The following MBTPS1 variants were observed in gnomAD, a reference collection of about 807,000 sequenced individuals.
MBTPS1 encodes membrane bound transcription factor peptidase, site 1.
A neutral mutation model predicts 127.8 loss-of-function variants in MBTPS1; 94 were observed. The observed-to-expected ratio is 0.74, with a 90% CI of 0.62 to 0.87. The LOEUF is 0.87. Among genes scored for constraint, MBTPS1 ranks in the 40% least tolerant of loss-of-function variants. MBTPS1 has a pLI of 0.00. For synonymous variants in MBTPS1, 632 were observed against 509.4 expected (o/e 1.24, Z -3.24); for missense variants, 1,636 against 1,353.2 (o/e 1.21, Z -3.28).
intron 8 of MBTPS1, among the ~76,000 whole-genome samples, chr16:84,089,061 A>C (rs1597335033): frequency 6.6e-6 from 1 of 152,252 alleles, no homozygotes; most frequent in Non-Finnish European, 1.5e-5. Flanking sequence ...GCGTGTGACA[A>C]AACAGTCCGA....
Position 84,095,798 on chromosome 16 carries a change from G to A in MBTPS1, c.429C>T (p.Pro143=). ...FRSLKYAESD[P]TVPCNETRWS... is the part of the protein sequence containing the mutation. ...ACCGGGTTTCATTGCAGGGTACTGTGGGGTCAGCTACAGGCAAGGGAGAGA... is the reference window on the plus strand; with the variant it reads ...ACCGGGTTTCATTGCAGGGTACTGTAGGGTCAGCTACAGGCAAGGGAGAGA... The change falls in exon 4 of 23, where the codon CCC becomes CCT. Residue 143 remains proline (P), a synonymous_variant. Transcript: ENST00000343411. 1.2e-6 allele frequency: 2 copies of A among 1,613,460 alleles called. No homozygotes were observed. The highest frequency in any genetic ancestry group is 1.7e-6 in the Non-Finnish European group (2 of 1,179,794).
chr16:84,103,789 C>G (rs2086288796), intron 1 of MBTPS1, among the ~76,000 whole-genome samples: 2 of 152,154 alleles, frequency 1.3e-5, no homozygotes, highest in South Asian at 4.1e-4. Flanking sequence ...CACTGCTGTA[C>G]TAACAACTGA....
chr16:84,094,604 A>G (rs2086154089), intron 4 of MBTPS1, among the ~76,000 whole-genome samples: 1 of 152,232 alleles, frequency 6.6e-6, no homozygotes, highest in Admixed American at 6.5e-5. Context: ...CTGTGTACAT[A>G]TCAATACTAT....
intron 2 of MBTPS1, among the ~76,000 whole-genome samples, chr16:84,101,192 C>G (rs944738165): frequency 2.0e-5 from 3 of 151,788 alleles, no homozygotes; most frequent in African/African-American, 4.8e-5. Flanking sequence ...CCCAGCTGCT[C>G]AGGAGGCTGA....
chr16:84,112,679 A>AAC (rs1287368978), intron 1 of MBTPS1, among the ~76,000 whole-genome samples: 1 of 149,738 alleles, frequency 6.7e-6, no homozygotes, highest in African/African-American at 2.5e-5. Context: ...ACAAAAAAAA[A>AAC]CAAAAAAAGA....
intron 18 of MBTPS1, 84 bp downstream of exon 18, chr16:84,065,602 GAGAC>G (rs2085669671): frequency 3.5e-6 from 3 of 864,004 alleles, no homozygotes; most frequent in East Asian, 2.4e-5. Context: ...TATTAAAAAA[GAGAC>G]AGAGATGAGA....
Position 84,099,138 on chromosome 16 carries a change from C to T in MBTPS1, c.336G>A (p.Ala112=), listed in dbSNP as rs776390232. ...EVIQIKEKQK[A]GLLTLEDHPN... ...GATGATCTTCAAGTGTTAGCAGCCCCGCTTTCTGTTTTTCTTTTATCTGAA... is the reference window on the plus strand; with the variant it reads ...GATGATCTTCAAGTGTTAGCAGCCCTGCTTTCTGTTTTTCTTTTATCTGAA... Residue 112 remains alanine (A), a synonymous_variant, in exon 3 of 23, where the codon GCG becomes GCA. Transcript: ENST00000343411. 1.7e-5 allele frequency: 28 copies of T among 1,613,992 alleles called. No individual in the cohort carries two copies. Among genetic ancestry groups the T allele is most frequent in the South Asian group, 8.8e-5 (8 of 91,082 alleles).
intron 10 of MBTPS1, among the ~76,000 whole-genome samples, chr16:84,082,900 C>T (rs1170158148): frequency 6.6e-6 from 1 of 152,200 alleles, no homozygotes; most frequent in Non-Finnish European, 1.5e-5. Flanking sequence ...TCGGGAGGCC[C>T]GCCACTGCTG....
chr16:84,096,617 G>A (rs181478620), intron 3 of MBTPS1, among the ~76,000 whole-genome samples: 7 of 152,314 alleles, frequency 4.6e-5, no homozygotes, highest in African/African-American at 7.2e-5. Context: ...GAGAAAATCT[G>A]TAATACCAAT....
At chr16:84,102,869 G>T (rs2086276301) in intron 1 of MBTPS1, among the ~76,000 whole-genome samples, 1 of 152,102 alleles carries the variant, frequency 6.6e-6, no homozygotes, top group Non-Finnish European at 1.5e-5. Flanking sequence ...GCATAAAAGG[G>T]TTTACTGTCC....
In MBTPS1 at chr16:84,054,542, G is replaced by C. The variant is rs955009181; in HGVS notation, c.3066C>G (p.Asn1022Lys). The C allele has an allele frequency of 1.2e-6, 2 of 1,614,036 alleles. No individual in the cohort carries two copies. The highest frequency in any genetic ancestry group is 1.7e-6 in the Non-Finnish European group (2 of 1,179,962). The change falls in exon 23 of 23, where the codon AAC (asparagine) becomes AAG (lysine). Residue 1022 changes from asparagine to lysine, a missense_variant. Transcript: ENST00000343411. Reference sequence around the variant, plus strand: ...TCCGCTTCGGCCTGCTCTTGGCCTTGTTGATTTGTACCACAAAGAAGGCCA... The same window carrying C: ...TCCGCTTCGGCCTGCTCTTGGCCTTCTTGATTTGTACCACAAAGAAGGCCA... ...VVLAFFVVQI[N>K]KAKSRPKRRK...
Position 84,093,964 on chromosome 16 carries a change from G to A in MBTPS1, c.626-143C>T, listed in dbSNP as rs553596662. The A allele has an allele frequency of 1.0e-3, 667 of 658,726 alleles. 5 individuals are homozygous for A. The highest frequency in any genetic ancestry group is 8.1e-3 in the South Asian group (454 of 55,844). 40.8% of individuals were successfully genotyped at this position (658,726 alleles called of 1,614,324 possible). ...AAGCTGCTCAGAGCAAATAAGTTAGGTCAGCTGCTCCCAGGGTCAGCTGGC... is the reference window on the plus strand; with the variant it reads ...AAGCTGCTCAGAGCAAATAAGTTAGATCAGCTGCTCCCAGGGTCAGCTGGC... On this transcript the variant is annotated intron_variant, in intron 4 of 22. Coordinates refer to ENST00000343411, the MANE Select transcript of MBTPS1 (RefSeq NM_003791.4).
At chr16:84,056,686 A>G (rs2085526966) in intron 21 of MBTPS1, 1 of 152,556 alleles carries the variant, frequency 6.6e-6, no homozygotes, top group African/African-American at 2.4e-5. Context: ...AGTGGGAGAG[A>G]GTCTGAGCAG....
chr16:84,097,837 C>T (rs957263136), intron 3 of MBTPS1, among the ~76,000 whole-genome samples: 17 of 143,134 alleles, frequency 1.2e-4, no homozygotes, highest in African/African-American at 2.8e-4. Context: ...AACTTCTCTT[C>T]GTGTGTGTGT....
chr16:84,111,582 T>C (rs1304866047), intron 1 of MBTPS1, among the ~76,000 whole-genome samples: 2 of 150,508 alleles, frequency 1.3e-5, no homozygotes, highest in African/African-American at 4.9e-5. Context: ...GAGGTTGAGA[T>C]AATTTGAGGA....
chr16:84,092,261 C>T (rs1441930283), intron 6 of MBTPS1, among the ~76,000 whole-genome samples: 4 of 152,244 alleles, frequency 2.6e-5, no homozygotes, highest in African/African-American at 9.6e-5. Context: ...CCTAAACAGA[C>T]TGAAGGACAA....
At chr16:84,058,738 G>A (rs1015967247) in intron 21 of MBTPS1, among the ~76,000 whole-genome samples, 4 of 152,190 alleles carry the variant, frequency 2.6e-5, no homozygotes, top group Admixed American at 6.5e-5. Flanking sequence ...TGAAGAAGCC[G>A]AGTTAGTGAG....
At chr16:84,062,885 C>T (rs2085634090) in intron 19 of MBTPS1, among the ~76,000 whole-genome samples, 2 of 152,172 alleles carry the variant, frequency 1.3e-5, no homozygotes, top group Admixed American at 1.3e-4. Flanking sequence ...AGCCAAGAGC[C>T]AGCCCTCCAG....
chr16:84,070,737 T>G lies in MBTPS1; in HGVS notation c.1633A>C (p.Ile545Leu). The G allele has an allele frequency of 6.2e-7, 1 of 1,614,016 alleles. No homozygotes were observed. Among genetic ancestry groups the G allele is most frequent in the Non-Finnish European group, 8.5e-7 (1 of 1,179,972 alleles). ...QPYLPQNGDN[I>L]EVAFSYSSVL... ...GAGGAGTAGGAGAAGGCAACTTCAA[T>G]GTTGTCTCCGTTCTGTGGCAAATAG... Residue 545 changes from isoleucine (I) to leucine (L), a missense_variant, in exon 13 of 23, where the codon ATT (isoleucine) becomes CTT (leucine). Coordinates refer to ENST00000343411, the MANE Select transcript of MBTPS1 (RefSeq NM_003791.4).
Sources: gnomAD v4.1 joint callset for allele counts (sites outside exome capture counted in the v4.1 genomes callset) on GRCh38, gnomAD v4.1.1 for gene constraint, MANE v1.5 for transcripts, NCBI Gene and HGNC (gene_info 2026-07-23, HGNC 2026-07-21) for gene names.